SSH2: variants seen among roughly 807,000 people sequenced by gnomAD.
The protein encoded by SSH2 is protein phosphatase Slingshot homolog 2.
SSH2 carries 37 observed loss-of-function variants against 135.2 expected under a neutral mutation model. The ratio of observed to expected loss-of-function variants is 0.27; its 90% confidence interval spans 0.21 to 0.36. The LOEUF is 0.36. Among genes scored for constraint, SSH2 ranks in the 10% least tolerant of loss-of-function variants. The pLI is 1.00. For missense variants in SSH2, 1,408 were observed against 1,765.3 expected (o/e 0.80, Z 3.63); for synonymous variants, 628 against 646.2 (o/e 0.97, Z 0.43).
intron 3 of SSH2, among the ~76,000 whole-genome samples, chr17:29,784,193 C>A (rs1276525608): frequency 6.6e-6 from 1 of 151,048 alleles, no homozygotes; most frequent in Non-Finnish European, 1.5e-5. Flanking sequence ...TAGAGACCAG[C>A]CTGGCCAACA....
intron 3 of SSH2, among the ~76,000 whole-genome samples, chr17:29,736,525 C>T (rs756390045): frequency 2.0e-5 from 3 of 152,146 alleles, no homozygotes; most frequent in Non-Finnish European, 4.4e-5. Context: ...CGGTGGCTCA[C>T]GCCTATAATC....
intron 15 of SSH2, among the ~76,000 whole-genome samples, chr17:29,634,330 G>A (rs772521794): frequency 6.6e-6 from 1 of 152,188 alleles, no homozygotes; most frequent in Non-Finnish European, 1.5e-5. Flanking sequence ...GTATGTTAGA[G>A]TCAATCTGTC....
In SSH2 at chr17:29,631,134, G is replaced by A; in HGVS notation, c.4060C>T (p.Leu1354Phe). Reference protein sequence around the residue: ...PEPTKSFVEQLTTTECIVQSK... With the variant: ...PEPTKSFVEQFTTTECIVQSK... The stretch of plus-strand genomic sequence containing the variant: ...TGCACAATACACTCTGTTGTTGTGA[G>A]TTGTTCTACAAAAGACTTGGTGGGC... Residue 1354 changes from leucine (L) to phenylalanine (F), a missense_variant, in exon 16 of 16, where the codon CTC (leucine) becomes TTC (phenylalanine). Around this residue, in one of 3 missense-constraint regions of SSH2, gnomAD observed 1,080 missense variants for 1,144.5 expected, o/e 0.94. Coordinates refer to ENST00000540801, the MANE Select transcript of SSH2 (RefSeq NM_001282129.2). The A allele has an allele frequency of 6.2e-7, 1 of 1,614,242 alleles. No individual in the cohort carries two copies. The highest frequency in any genetic ancestry group is 8.5e-7 in the Non-Finnish European group (1 of 1,180,054).
At chr17:29,779,810 CAAAAAAAAAAAAA>C (rs56789691) in intron 3 of SSH2, among the ~76,000 whole-genome samples, 48 of 19,614 alleles carry the variant, frequency 2.4e-3, no homozygotes, top group African/African-American at 5.5e-3. Context: ...GACTCTGTCT[CAAAAAAAAAAAAA>C]AAAAAAAAAA....
intron 8 of SSH2, 64 bp from the exon 9 acceptor site, chr17:29,672,193 G>T (rs1245168387): frequency 7.9e-7 from 1 of 1,268,524 alleles, no homozygotes; most frequent in Non-Finnish European, 1.1e-6. Context: ...AATAACCTGT[G>T]TACTCCAAAC....
intron 2 of SSH2, among the ~76,000 whole-genome samples, chr17:29,814,969 A>G (rs1195845905): frequency 3.7e-5 from 5 of 134,524 alleles, no homozygotes; most frequent in South Asian, 2.3e-4. Context: ...TTTTTTTGAG[A>G]TGGAATTTCA....
intron 3 of SSH2, among the ~76,000 whole-genome samples, chr17:29,726,407 T>C (rs551767970): frequency 2.6e-5 from 4 of 152,308 alleles, no homozygotes; most frequent in African/African-American, 9.6e-5. Context: ...GGAATCTAGC[T>C]TTATTCTGAG....
chr17:29,928,698 T>C (rs1248180870), intron 1 of SSH2: 3 of 395,660 alleles, frequency 7.6e-6, no homozygotes, highest in Non-Finnish European at 1.3e-5. Context: ...ACCACAACCA[T>C]ACACAACAAA....
At chr17:29,744,799 T>C (rs780786014) in intron 3 of SSH2, among the ~76,000 whole-genome samples, 57 of 151,836 alleles carry the variant, frequency 3.8e-4, no homozygotes, top group Admixed American at 4.6e-4. Context: ...GATGTAATAA[T>C]AATATCTAAA....
At chr17:29,774,252 G>T (rs928502052) in intron 3 of SSH2, among the ~76,000 whole-genome samples, 2 of 151,912 alleles carry the variant, frequency 1.3e-5, no homozygotes, top group African/African-American at 4.8e-5. Flanking sequence ...CAAATAACTT[G>T]TAGTGAACAA....
At chr17:29,764,548 A>G (rs1655788959) in intron 3 of SSH2, among the ~76,000 whole-genome samples, 1 of 152,204 alleles carries the variant, frequency 6.6e-6, no homozygotes, top group South Asian at 2.1e-4. Context: ...TTAGTTTTCT[A>G]CTCTACATGA....
intron 15 of SSH2, among the ~76,000 whole-genome samples, chr17:29,633,734 T>C (rs943598741): frequency 2.6e-5 from 4 of 152,152 alleles, no homozygotes; most frequent in African/African-American, 9.7e-5. Context: ...TACTGACCAA[T>C]GCAAAATCAG....
chr17:29,715,874 G>A lies in SSH2; in HGVS notation c.189-12812C>T, dbSNP rs957193299. ...AATGACACTGACTTGACTCAGCGGG[G>A]CACTTAACACCTCTGGACAGCTCCC... is the stretch of plus-strand genomic sequence containing the variant. On this transcript the variant is annotated intron_variant, in intron 3 of 15. Transcript: ENST00000540801. Among the ~76,000 whole-genome samples the A allele has an allele frequency of 2.6e-5, 4 of 152,220 alleles. No homozygotes were observed. The East Asian group carries it at 7.7e-4, about 29-fold the overall frequency.
At chr17:29,634,228 C>G (rs531121178) in intron 15 of SSH2, among the ~76,000 whole-genome samples, 2 of 152,142 alleles carry the variant, frequency 1.3e-5, no homozygotes, top group Non-Finnish European at 2.9e-5. Context: ...GAGAACAAAT[C>G]GTTAACGGAC....
intron 1 of SSH2, among the ~76,000 whole-genome samples, chr17:29,856,793 T>C (rs1252003308): frequency 6.6e-6 from 1 of 152,220 alleles, no homozygotes; most frequent in African/African-American, 2.4e-5. Flanking sequence ...GCATTGTGTG[T>C]GTAGATGTTC....
intron 1 of SSH2, among the ~76,000 whole-genome samples, chr17:29,869,948 T>C (rs983644565): frequency 2.0e-5 from 3 of 152,120 alleles, no homozygotes; most frequent in Admixed American, 2.0e-4. Context: ...AGTTTAGGCA[T>C]GGACTTCTTG....
chr17:29,815,077 T>A (rs926039363), intron 2 of SSH2, among the ~76,000 whole-genome samples: 2 of 150,938 alleles, frequency 1.3e-5, no homozygotes, highest in African/African-American at 4.9e-5. Flanking sequence ...GCTACCCAAG[T>A]AGCTGGGATT....
intron 2 of SSH2, among the ~76,000 whole-genome samples, chr17:29,809,283 A>G (rs1219599927): frequency 6.6e-6 from 1 of 152,106 alleles, no homozygotes; most frequent in Non-Finnish European, 1.5e-5. Flanking sequence ...AAGCAATCCT[A>G]TTTAGTAGCT....
chr17:29,874,564 G>T (rs1011801353), intron 1 of SSH2, among the ~76,000 whole-genome samples: 21 of 151,984 alleles, frequency 1.4e-4, no homozygotes, highest in African/African-American at 5.1e-4. Flanking sequence ...TCCCCATTTT[G>T]CTTGGTACTT....
Sources: gnomAD v4.1 joint callset for allele counts (sites outside exome capture counted in the v4.1 genomes callset) on GRCh38, gnomAD v4.1.1 for gene constraint, gnomAD v4.1.1 regional missense constraint, MANE v1.5 for transcripts, NCBI Gene and HGNC (gene_info 2026-07-23, HGNC 2026-07-21) for gene names.